The following CPVL variants were observed in gnomAD, a reference collection of about 807,000 sequenced individuals.
CPVL encodes the protein probable serine carboxypeptidase CPVL.
In CPVL, 51 loss-of-function variants were observed where a neutral mutation model predicts 63.7. That is an observed-to-expected ratio of 0.80 (90% confidence interval 0.64 to 1.01). The LOEUF (loss-of-function observed/expected upper bound fraction) is 1.01, where lower values mean the gene tolerates loss of function less well. CPVL is among the 50% of genes least tolerant of loss of function. The probability of loss-of-function intolerance (pLI) is 0.00; values close to 1 mark genes in which losing one functional copy is unlikely to be tolerated. For missense variants in CPVL, 530 were observed against 573.1 expected, an observed-to-expected ratio of 0.92 and a Z score of 0.77; for synonymous variants, 195 against 206.0, an observed-to-expected ratio of 0.95 and a Z score of 0.46.
chr7:29,101,439 C>A (rs1366108978), intron 3 of CPVL, among the ~76,000 whole-genome samples: 1 of 151,964 alleles, frequency 6.6e-6, no homozygotes, highest in South Asian at 2.1e-4. Context: ...TCTCTAAATA[C>A]AAAAAATTAG....
intron 1 of CPVL, among the ~76,000 whole-genome samples, chr7:29,191,108 T>C (rs1201716642): frequency 1.3e-5 from 2 of 152,114 alleles, no homozygotes; most frequent in East Asian, 3.9e-4. Flanking sequence ...AATTTATTTT[T>C]TATGTTTTTA....
chr7:29,180,228 C>T (rs1366713880), intron 5 of CPVL, among the ~76,000 whole-genome samples: 1 of 152,044 alleles, frequency 6.6e-6, no homozygotes, highest in Non-Finnish European at 1.5e-5. Context: ...TGATAACGTA[C>T]CAATAGTGAC....
chr7:29,037,063 C>A (rs1788599360), intron 11 of CPVL, among the ~76,000 whole-genome samples: 1 of 152,142 alleles, frequency 6.6e-6, no homozygotes, highest in South Asian at 2.1e-4. Context: ...GTGCTTTATT[C>A]TATATTTGTA....
At chr7:29,004,896 C>CTTTTTTTTT (rs555443117) in intron 12 of CPVL, among the ~76,000 whole-genome samples, 1 of 144,852 alleles carries the variant, frequency 6.9e-6, no homozygotes. Flanking sequence ...TTTTTCTTTT[C>CTTTTTTTTT]TTTTCTTTTT....
intron 12 of CPVL, among the ~76,000 whole-genome samples, chr7:29,001,737 G>A (rs1226973328): frequency 6.6e-6 from 1 of 152,154 alleles, no homozygotes; most frequent in East Asian, 1.9e-4. Flanking sequence ...AGGTGCTTCA[G>A]GAGACCCACA....
intron 12 of CPVL, among the ~76,000 whole-genome samples, chr7:29,006,306 G>A (rs1203394715): frequency 6.6e-6 from 1 of 152,116 alleles, no homozygotes; most frequent in Non-Finnish European, 1.5e-5. Context: ...GGCTGTCCTG[G>A]GGAAAGAGGA....
chr7:29,050,883 G>A lies in CPVL; in HGVS notation c.1137+13178C>T, dbSNP rs146562893. On this transcript the variant is annotated intron_variant, in intron 11 of 12. Transcript: ENST00000265394. ...AAGGCCACAGTCACCAAAACAGCGT[G>A]GTACTGGTATAAAAATAGGCACATA... is the stretch of plus-strand genomic sequence containing the variant. 8.2e-3 allele frequency among the ~76,000 whole-genome samples: 1,251 copies of A among 151,744 alleles called. 18 individuals are homozygous for A. Among genetic ancestry groups the A allele is most frequent in the African/African-American group, 0.029 (1,195 of 41,392 alleles).
intron 5 of CPVL, among the ~76,000 whole-genome samples, chr7:29,154,705 C>T (rs879929057): frequency 3.8e-4 from 58 of 152,156 alleles, no homozygotes; most frequent in Non-Finnish European, 7.4e-4. Flanking sequence ...TGTGGTGGCA[C>T]GTACCTGTGG....
rs145901835 is a variant in CPVL at position 29,005,580 on chromosome 7, G to T, written c.1321-9698C>A. Among the ~76,000 whole-genome samples the T allele has an allele frequency of 2.7e-3, 418 of 152,126 alleles. 1 individual carries two copies. Among genetic ancestry groups the T allele is most frequent in the African/African-American group, 9.6e-3 (398 of 41,504 alleles). On this transcript the variant is annotated intron_variant, in intron 12 of 12. Transcript: ENST00000265394. ...TGAGTTTTATCCCTGCCAATGCCAT[G>T]ATCCATCCCATTCTTTCCCTCCACC...
chr7:29,157,504 A>G (rs1794567715), intron 5 of CPVL, among the ~76,000 whole-genome samples: 1 of 152,294 alleles, frequency 6.6e-6, no homozygotes, highest in African/African-American at 2.4e-5. Flanking sequence ...TCTTTCATGG[A>G]CCCTTCATTC....
chr7:29,152,933 GC>G (rs1554348872), intron 5 of CPVL, among the ~76,000 whole-genome samples: 1 of 152,224 alleles, frequency 6.6e-6, no homozygotes, highest in Non-Finnish European at 1.5e-5. Context: ...TGCTTCCAGA[GC>G]CTGCATGCCA....
At chr7:29,000,841 C>T (rs1281215548) in intron 12 of CPVL, 2 of 152,264 alleles carry the variant, frequency 1.3e-5, no homozygotes, top group African/African-American at 4.8e-5. Flanking sequence ...AATCACTTCC[C>T]ACTCCCCCTC....
intron 10 of CPVL, among the ~76,000 whole-genome samples, chr7:29,064,556 CAAA>C (rs1031947709): frequency 6.6e-6 from 1 of 152,090 alleles, no homozygotes; most frequent in Non-Finnish European, 1.5e-5. Flanking sequence ...AGAGAGAAAA[CAAA>C]AGAGATGAGA....
At chr7:29,170,224 G>C (rs932347452) in intron 5 of CPVL, among the ~76,000 whole-genome samples, 2 of 152,126 alleles carry the variant, frequency 1.3e-5, no homozygotes, top group Non-Finnish European at 2.9e-5. Context: ...ACAATAGATT[G>C]CTGGTGATAC....
downstream of CPVL, among the ~76,000 whole-genome samples, chr7:28,994,842 GGAAGT>G (rs550424472): frequency 2.5e-3 from 374 of 152,320 alleles, 1 homozygote; most frequent in African/African-American, 8.6e-3. Context: ...AATATGAGAA[GGAAGT>G]GATGTGGAAA....
Position 29,064,192 on chromosome 7 carries a change from G to C in CPVL, c.1006C>G (p.Pro336Ala), listed in dbSNP as rs1385704430. 5 of 1,613,422 alleles carry C rather than the reference G, an allele frequency of 3.1e-6. No individual in the cohort carries two copies. The East Asian group carries it at 1.1e-4, about 36-fold the overall frequency. Residue 336 changes from proline to alanine, a missense_variant, in exon 11 of 13, where the codon CCA becomes GCA. By Grantham distance (27) the Pro-to-Ala change is conservative (BLOSUM62 -1). Coordinates refer to ENST00000265394, the MANE Select transcript of CPVL (RefSeq NM_031311.5). ...ACGTGGATGGCTTGTCTCACCTCTGGGAGTGACAAAAATTTCACATAGTAA... is the reference window on the plus strand; with the variant it reads ...ACGTGGATGGCTTGTCTCACCTCTGCGAGTGACAAAAATTTCACATAGTAA... The part of the protein sequence containing the change: ...QLYYVKFLSL[P>A]EVRQAIHVGN...
chr7:29,145,087 G>A lies in CPVL; in HGVS notation c.-11+1342C>T, dbSNP rs569548074. The stretch of plus-strand genomic sequence containing the variant: ...TCTAGAATGCCCAGTTAGCCAAACG[G>A]TCTTGACGACCATGCAGACTTTCAT... On this transcript the variant is annotated intron_variant, in intron 1 of 12. Coordinates refer to ENST00000265394, the MANE Select transcript of CPVL (RefSeq NM_031311.5). 7.4e-4 allele frequency among the ~76,000 whole-genome samples: 112 copies of A among 151,550 alleles called. 1 individual carries two copies. Among genetic ancestry groups the A allele is most frequent in the Non-Finnish European group, 1.3e-3 (91 of 67,962 alleles).
At chr7:29,158,527 TGTGATAATATTG>T (rs1453744706) in intron 5 of CPVL, among the ~76,000 whole-genome samples, 1 of 36,718 alleles carries the variant, frequency 2.7e-5, no homozygotes, top group African/African-American at 1.0e-4. Context: ...CTAGTCTTTA[TGTGATAATATTG>T]ATACTTAAGT....
chr7:29,021,886 C>T (rs1238356125), intron 12 of CPVL, among the ~76,000 whole-genome samples: 1 of 152,106 alleles, frequency 6.6e-6, no homozygotes, highest in Non-Finnish European at 1.5e-5. Context: ...CCTACATCTA[C>T]TCAAAGGTTT....
Sources: gnomAD v4.1 joint callset for allele counts (sites outside exome capture counted in the v4.1 genomes callset) on GRCh38, gnomAD v4.1.1 for gene constraint, MANE v1.5 for transcripts, NCBI Gene and HGNC (gene_info 2026-07-23, HGNC 2026-07-21) for gene names.